RAB3B: variants seen among roughly 807,000 people sequenced by gnomAD.
RAB3B encodes the protein RAB3B, member RAS oncogene family, also known as ras-related protein Rab-3B.
A neutral mutation model predicts 20.5 loss-of-function variants in RAB3B; 11 were observed. That is an observed-to-expected ratio of 0.54 (90% CI 0.34 to 0.89). The LOEUF is 0.89. RAB3B is among the 40% of genes least tolerant of loss of function. The pLI is 0.02. For synonymous variants in RAB3B, 99 were observed against 106.3 expected, an observed-to-expected ratio of 0.93 and a Z score of 0.42; for missense variants, 225 against 280.9, an observed-to-expected ratio of 0.80 and a Z score of 1.42.
At chr1:51,921,410 A>C (rs1049099056) in intron 4 of RAB3B, among the ~76,000 whole-genome samples, 1 of 152,182 alleles carries the variant, frequency 6.6e-6, no homozygotes, top group African/African-American at 2.4e-5. Context: ...ACTCACACAA[A>C]GTCATGTGGC....
Position 51,984,655 on chromosome 1 carries a change from T to A in RAB3B, c.-1+5897A>T, listed in dbSNP as rs1685130447. 1.3e-5 allele frequency among the ~76,000 whole-genome samples: 2 copies of A among 152,194 alleles called. 1 individual carries two copies. The highest frequency in any genetic ancestry group is 4.1e-4 in the South Asian group (2 of 4,828). ...TCTTTAGGAAGTTGTTTTTAAGTTGTTTTTCTACTCTTAATTATTATACAT... is the reference window on the plus strand; with the variant it reads ...TCTTTAGGAAGTTGTTTTTAAGTTGATTTTCTACTCTTAATTATTATACAT... On this transcript the variant is annotated intron_variant, in intron 1 of 4. Transcript: ENST00000371655.
In RAB3B at chr1:51,982,807, A is replaced by T. The variant is rs200472089; in HGVS notation, c.1-5690T>A. Among the ~76,000 whole-genome samples, 99 of 152,136 alleles carry T rather than the reference A, an allele frequency of 6.5e-4. 2 individuals are homozygous for T. In the East Asian group the frequency reaches 0.016, roughly 25 times the overall value. On this transcript the variant is annotated intron_variant, in intron 1 of 4. Coordinates refer to ENST00000371655, the MANE Select transcript of RAB3B (RefSeq NM_002867.4). ...TAAAAGAGTCTAAGAAGTTTTAAAA[A>T]TTTTTTAAGTTTATAAGGTTTAAAA...
At chr1:51,920,197 G>T in intron 4 of RAB3B, 83 bp from the exon 5 acceptor site, 1 of 1,247,542 alleles carries the variant, frequency 8.0e-7, no homozygotes, top group Non-Finnish European at 1.1e-6. Context: ...AAGCACTCTG[G>T]ATTAATATGT....
At chr1:51,932,973 CTTAT>C (rs1373194156) in intron 4 of RAB3B, among the ~76,000 whole-genome samples, 2 of 152,098 alleles carry the variant, frequency 1.3e-5, no homozygotes, top group African/African-American at 4.8e-5. Context: ...TTCTCACTTA[CTTAT>C]TTATTTTTAT....
In RAB3B at chr1:51,933,568, G is replaced by A. The variant is rs540252480; in HGVS notation, c.348-126C>T. On this transcript the variant is annotated intron_variant, in intron 3 of 4. Transcript: ENST00000371655. ...AATGGTATTTGGAGGTGGAGTCTTC[G>A]GGATGTAATTATGTCAATGAGGCTA... 2.9e-5 allele frequency: 25 copies of A among 860,278 alleles called. 1 individual carries two copies. In the South Asian group the frequency reaches 3.8e-4, roughly 13 times the overall value. The allele number at this position is 860,278 out of a possible 1,614,324, so 53.3% of individuals were successfully genotyped here. A position where few individuals can be genotyped will look rare whatever the true frequency, so the allele number is the denominator to read the frequency against.
intron 2 of RAB3B, among the ~76,000 whole-genome samples, chr1:51,938,596 G>C (rs1248856542): frequency 6.6e-6 from 1 of 151,766 alleles, no homozygotes; most frequent in Non-Finnish European, 1.5e-5. Context: ...GAAAAAAATA[G>C]AAGAAACACA....
At chr1:51,930,942 G>A (rs749837248) in intron 4 of RAB3B, among the ~76,000 whole-genome samples, 53 of 151,972 alleles carry the variant, frequency 3.5e-4, no homozygotes, top group Non-Finnish European at 6.2e-4. Context: ...ACTTGAACCC[G>A]GGAGGCAGAG....
chr1:51,987,792 C>G (rs1299191188), intron 1 of RAB3B, among the ~76,000 whole-genome samples: 1 of 152,222 alleles, frequency 6.6e-6, no homozygotes, highest in East Asian at 1.9e-4. Context: ...TCAAGAACCA[C>G]AGTTGGCCCA....
At chr1:51,921,989 C>A (rs1185079142) in intron 4 of RAB3B, among the ~76,000 whole-genome samples, 2 of 152,180 alleles carry the variant, frequency 1.3e-5, no homozygotes. Flanking sequence ...CCTGCCAGCC[C>A]ACCTCCAGCT....
intron 4 of RAB3B, among the ~76,000 whole-genome samples, chr1:51,929,799 A>C (rs1684298153): frequency 6.6e-6 from 1 of 152,166 alleles, no homozygotes; most frequent in South Asian, 2.1e-4. Context: ...GTATTTATTT[A>C]ATGTCTCTTT....
chr1:51,982,073 G>C (rs1347338163), intron 1 of RAB3B, among the ~76,000 whole-genome samples: 1 of 152,144 alleles, frequency 6.6e-6, no homozygotes, highest in Non-Finnish European at 1.5e-5. Context: ...ATTGCCATAA[G>C]AGATGACAGC....
At chr1:51,959,355 T>C (rs541177405) in intron 2 of RAB3B, among the ~76,000 whole-genome samples, 1 of 151,750 alleles carries the variant, frequency 6.6e-6, no homozygotes, top group African/African-American at 2.4e-5. Context: ...CCTGTCTCTA[T>C]AAAAAAATTA....
intron 2 of RAB3B, among the ~76,000 whole-genome samples, chr1:51,975,574 C>T (rs1684996636): frequency 6.6e-6 from 1 of 152,188 alleles, no homozygotes; most frequent in Non-Finnish European, 1.5e-5. Context: ...CTGGGAAAAG[C>T]CAGCTGCTAT....
chr1:51,948,763 C>A (rs545326707), intron 2 of RAB3B, among the ~76,000 whole-genome samples: 3 of 152,236 alleles, frequency 2.0e-5, no homozygotes, highest in Non-Finnish European at 4.4e-5. Context: ...GTACCACTCA[C>A]TCCCACTGTA....
At chr1:51,939,272 C>G (rs1684456618) in intron 2 of RAB3B, among the ~76,000 whole-genome samples, 1 of 152,290 alleles carries the variant, frequency 6.6e-6, no homozygotes, top group South Asian at 2.1e-4. Context: ...CATATATTAC[C>G]TCATTTAAAT....
At chr1:51,947,427 C>A (rs994197051) in intron 2 of RAB3B, among the ~76,000 whole-genome samples, 1 of 151,852 alleles carries the variant, frequency 6.6e-6, no homozygotes, top group Non-Finnish European at 1.5e-5. Flanking sequence ...TCTGTCTTGA[C>A]CAAAGCCTGT....
intron 1 of RAB3B, among the ~76,000 whole-genome samples, chr1:51,989,895 A>G (rs1340256215): frequency 1.6e-5 from 2 of 121,980 alleles, no homozygotes; most frequent in Non-Finnish European, 1.7e-5. Flanking sequence ...CACATCCCCC[A>G]TAAATGACCC....
chr1:51,933,284 T>C, intron 4 of RAB3B, 34 bp downstream of exon 4: 4 of 1,607,868 alleles, frequency 2.5e-6, no homozygotes, highest in Non-Finnish European at 3.4e-6. Flanking sequence ...TGTGTACAAA[T>C]GCACACATGC....
rs114598526 is a variant in RAB3B, at chr1:51,981,925, C to T, written c.1-4808G>A. On this transcript the variant is annotated intron_variant, in intron 1 of 4. Coordinates refer to ENST00000371655, the MANE Select transcript of RAB3B (RefSeq NM_002867.4). ...ATATTGATAATAAATGACTATGTTACTGGCTTCTGTATTTACTTACTACAC... is the reference window on the plus strand; with the variant it reads ...ATATTGATAATAAATGACTATGTTATTGGCTTCTGTATTTACTTACTACAC... Among the ~76,000 whole-genome samples, 342 of 152,318 alleles carry T rather than the reference C, an allele frequency of 2.2e-3. 3 individuals are homozygous for T. The highest frequency in any genetic ancestry group is 7.7e-3 in the African/African-American group (321 of 41,570).
Sources: allele counts gnomAD v4.1 joint callset (sites outside exome capture counted in the v4.1 genomes callset), GRCh38; gene constraint gnomAD v4.1.1; transcripts MANE v1.5; gene names NCBI Gene and HGNC (gene_info 2026-07-23, HGNC 2026-07-21).